TDRD9: variants seen among roughly 807,000 people sequenced by gnomAD.
TDRD9 encodes tudor domain containing 9.
In TDRD9, 124 loss-of-function variants were observed where a neutral mutation model predicts 172.6. The observed-to-expected ratio is 0.72, with a 90% confidence interval of 0.62 to 0.83. TDRD9 has a LOEUF of 0.83. Among genes scored for constraint, TDRD9 ranks in the 40% least tolerant of loss-of-function variants. The pLI is 0.00. For synonymous variants in TDRD9, 619 were observed against 617.1 expected (o/e 1.00, Z -0.05); for missense variants, 1,479 against 1,714.1 (o/e 0.86, Z 2.42).
intron 7 of TDRD9, among the ~76,000 whole-genome samples, chr14:103,977,952 G>C (rs1566754668): frequency 6.6e-6 from 1 of 152,084 alleles, no homozygotes; most frequent in Non-Finnish European, 1.5e-5. Context: ...TGTTCTTGAT[G>C]CCTTTCTTAA....
chr14:103,994,543 A>G lies in TDRD9; in HGVS notation c.1260A>G (p.Ser420=). 6.2e-7 allele frequency: 1 copy of G among 1,613,886 alleles called. No individual in the cohort carries two copies. The highest frequency in any genetic ancestry group is 8.5e-7 in the Non-Finnish European group (1 of 1,179,822). The change falls in exon 11 of 36, where the codon TCA becomes TCG. Residue 420 remains serine, a synonymous_variant. Transcript: ENST00000409874. The part of the protein sequence containing the change: ...HKRLQVYPLH[S]SVALEEQNNV... ...GGTTGCAGGTCTATCCACTCCATTC[A>G]AGTGTGGCTTTAGAAGAACAGAATA...
At chr14:104,009,626 T>C (rs1356222047) in intron 20 of TDRD9, among the ~76,000 whole-genome samples, 3 of 152,158 alleles carry the variant, frequency 2.0e-5, no homozygotes, top group Non-Finnish European at 1.5e-5. Context: ...TTAATATAAC[T>C]TTTTTTAACT....
At chr14:103,996,210 A>C (rs1419540118) in intron 12 of TDRD9, among the ~76,000 whole-genome samples, 1 of 152,206 alleles carries the variant, frequency 6.6e-6, no homozygotes, top group East Asian at 1.9e-4. Flanking sequence ...CATCTTCCAC[A>C]TATGTGTCTG....
At chr14:104,032,650 A>G (rs192318558) in intron 30 of TDRD9, among the ~76,000 whole-genome samples, 1 of 152,256 alleles carries the variant, frequency 6.6e-6, no homozygotes, top group East Asian at 1.9e-4. Flanking sequence ...TCTTGTTACA[A>G]TTGTTATTCA....
At position 104,042,134 on chromosome 14, in the gene TDRD9, T is replaced by C. The variant is rs778745348; in HGVS notation, c.3921T>C (p.Leu1307=). ...VCDGPNGCKC[L]GPERVAQLQD... Reference sequence around the variant, plus strand: ...ATGGACCAAATGGATGCAAGTGTCTTGGGCCAGAGAGAGTTGCGCAGCTTC... The same window carrying C: ...ATGGACCAAATGGATGCAAGTGTCTCGGGCCAGAGAGAGTTGCGCAGCTTC... The change falls in exon 34 of 36, where the codon CTT becomes CTC. Residue 1307 remains leucine (L), a synonymous_variant. Coordinates refer to ENST00000409874, the MANE Select transcript of TDRD9 (RefSeq NM_153046.3). 2 of 1,613,834 alleles carry C rather than the reference T, an allele frequency of 1.2e-6. No individual in the cohort carries two copies. Among genetic ancestry groups the C allele is most frequent in the Non-Finnish European group, 8.5e-7 (1 of 1,179,714 alleles).
chr14:104,052,210 C>T lies in TDRD9; in HGVS notation c.*128C>T. 1.8e-6 allele frequency: 1 copy of T among 563,126 alleles called. No individual in the cohort carries two copies. The highest frequency in any genetic ancestry group is 3.4e-5 in the Admixed American group (1 of 29,450). The allele number at this position is 563,126 out of a possible 1,614,324, so 34.9% of individuals were successfully genotyped here. ...GTCTGTGCCCACTGCATCCTAAAGG[C>T]CTTTTCTTTCTTCTTTTCTCTTTGG... On this transcript the variant is annotated 3_prime_UTR_variant, in exon 36 of 36. Coordinates refer to ENST00000409874, the MANE Select transcript of TDRD9 (RefSeq NM_153046.3).
intron 9 of TDRD9, among the ~76,000 whole-genome samples, chr14:103,992,923 T>TGAA (rs1195444418): frequency 3.2e-5 from 1 of 31,076 alleles, no homozygotes; most frequent in Non-Finnish European, 5.4e-5. Context: ...AGACTCCATC[T>TGAA]CAAAAAAAAA....
At chr14:104,034,544 G>T (rs1379607279) in intron 31 of TDRD9, among the ~76,000 whole-genome samples, 2 of 152,152 alleles carry the variant, frequency 1.3e-5, no homozygotes, top group African/African-American at 4.8e-5. Context: ...GCGAGGTTAC[G>T]CGGTGGAGCA....
intron 29 of TDRD9, 115 bp downstream of exon 29, chr14:104,031,378 G>A (rs1019324567): frequency 1.8e-5 from 15 of 828,178 alleles, no homozygotes; most frequent in Non-Finnish European, 2.1e-5. Context: ...TTTTAATGCT[G>A]TTACTTTTCT....
intron 23 of TDRD9, among the ~76,000 whole-genome samples, chr14:104,021,621 A>G (rs944501730): frequency 1.3e-5 from 2 of 152,150 alleles, no homozygotes; most frequent in African/African-American, 2.4e-5. Context: ...TGAATCTGGG[A>G]GGCGGAGGTT....
intron 7 of TDRD9, among the ~76,000 whole-genome samples, chr14:103,978,409 G>A (rs1458550566): frequency 6.6e-6 from 1 of 152,066 alleles, no homozygotes; most frequent in Non-Finnish European, 1.5e-5. Flanking sequence ...AATGCTTCAG[G>A]ACATCTATTT....
chr14:103,998,827 C>G (rs1056325756), intron 13 of TDRD9, 99 bp downstream of exon 13: 24 of 653,280 alleles, frequency 3.7e-5, no homozygotes, highest in Non-Finnish European at 5.1e-5. Flanking sequence ...GAGTCTTGCT[C>G]TGTCGCCCAG....
At chr14:104,051,634 A>C (rs2140946506) in intron 35 of TDRD9, among the ~76,000 whole-genome samples, 1 of 152,190 alleles carries the variant, frequency 6.6e-6, no homozygotes, top group East Asian at 1.9e-4. Flanking sequence ...TTGACTTTTT[A>C]ATAATAGCTA....
In TDRD9 at chr14:104,024,256, T is replaced by C. The variant is rs142144915; in HGVS notation, c.2607-313T>C. On this transcript the variant is annotated intron_variant, in intron 24 of 35. Transcript: ENST00000409874. The stretch of plus-strand genomic sequence containing the variant: ...AAATCTCAGACCTTGAAAGTCTAAA[T>C]TGATAATTTATTTATCTTGATAATA... Among the ~76,000 whole-genome samples, 927 of 152,354 alleles carry C rather than the reference T, an allele frequency of 6.1e-3. 3 individuals carry two copies. Among genetic ancestry groups the C allele is most frequent in the Admixed American group, 9.4e-3 (144 of 15,304 alleles).
At chr14:104,049,816 G>C in intron 35 of TDRD9, 136 bp downstream of exon 35, 2 of 677,144 alleles carry the variant, frequency 3.0e-6, no homozygotes, top group South Asian at 3.9e-5. Context: ...GGATGGCTTT[G>C]GGGGCCAGCT....
intron 2 of TDRD9, among the ~76,000 whole-genome samples, chr14:103,957,791 C>T (rs1408863603): frequency 6.6e-6 from 1 of 152,236 alleles, no homozygotes; most frequent in East Asian, 1.9e-4. Context: ...AGCAGCCCGG[C>T]ACACCCTGCG....
intron 32 of TDRD9, among the ~76,000 whole-genome samples, chr14:104,037,097 G>A (rs889150600): frequency 2.0e-5 from 3 of 151,964 alleles, no homozygotes; most frequent in South Asian, 2.1e-4. Context: ...GATGACAGCT[G>A]TTTGATTTGG....
chr14:103,953,824 T>C (rs1427824193), intron 1 of TDRD9, among the ~76,000 whole-genome samples: 1 of 152,144 alleles, frequency 6.6e-6, no homozygotes, highest in African/African-American at 2.4e-5. Flanking sequence ...ATCCTTTTTG[T>C]TCTGCCCGGG....
At chr14:104,042,609 A>G (rs958296260) in intron 34 of TDRD9, among the ~76,000 whole-genome samples, 2 of 152,184 alleles carry the variant, frequency 1.3e-5, no homozygotes, top group African/African-American at 2.4e-5. Flanking sequence ...TGGACTCTCC[A>G]TGGGACAAAC....
Sources: gnomAD v4.1 joint callset for allele counts (sites outside exome capture counted in the v4.1 genomes callset) on GRCh38, gnomAD v4.1.1 for gene constraint, MANE v1.5 for transcripts, NCBI Gene and HGNC (gene_info 2026-07-23, HGNC 2026-07-21) for gene names.